Variants in ZNF883 observed in about 807,000 individuals in gnomAD.
ZNF883 encodes zinc finger protein 883.
chr9:112,990,377 G>A (rs1193308942), intron 1 of ZNF883, among the ~76,000 whole-genome samples: 2 of 152,056 alleles, frequency 1.3e-5, no homozygotes, highest in African/African-American at 4.8e-5. Flanking sequence ...ATAATCATGT[G>A]GTTTTTGTCT....
exon 1 of ZNF883, chr9:112,998,243 A>G: frequency 6.3e-7 from 1 of 1,594,000 alleles, no homozygotes; most frequent in Non-Finnish European, 8.5e-7. Context: ...GGTCATATAA[A>G]TTTTCTCAGA....
intron 2 of ZNF883, among the ~76,000 whole-genome samples, chr9:113,010,060 T>G (rs1019865576): frequency 6.6e-6 from 1 of 152,222 alleles, no homozygotes; most frequent in Non-Finnish European, 1.5e-5. Context: ...ATTGTCTGTG[T>G]GCCCATCCAA....
At chr9:113,001,127 T>TCTTGTC (rs1198362363), upstream of ZNF883, among the ~76,000 whole-genome samples, 1 of 152,044 alleles carries the variant, frequency 6.6e-6, no homozygotes, top group Non-Finnish European at 1.5e-5. Context: ...TCAAAATAAT[T>TCTTGTC]TTAGCAGAAG....
chr9:112,993,369 T>G (rs184439288), downstream of ZNF883, among the ~76,000 whole-genome samples: 162 of 152,326 alleles, frequency 1.1e-3, no homozygotes, highest in Non-Finnish European at 1.9e-3. Flanking sequence ...CCTCCCATAC[T>G]TGGAGGTATC....
At chr9:112,992,122 T>A (rs1462341105), downstream of ZNF883, among the ~76,000 whole-genome samples, 1 of 152,256 alleles carries the variant, frequency 6.6e-6, no homozygotes, top group East Asian at 1.9e-4. Flanking sequence ...GATCCCGTCA[T>A]CATTGTGCTA....
chr9:112,996,668 G>A (rs1363889719), downstream of ZNF883, among the ~76,000 whole-genome samples: 1 of 149,962 alleles, frequency 6.7e-6, no homozygotes, highest in African/African-American at 2.5e-5. Flanking sequence ...GCGGGCGCCT[G>A]TAGTCCCAGC....
chr9:112,994,898 G>C (rs904584005), downstream of ZNF883, among the ~76,000 whole-genome samples: 1 of 151,554 alleles, frequency 6.6e-6, no homozygotes, highest in Non-Finnish European at 1.5e-5. Flanking sequence ...GGGATCTTTA[G>C]CATAATATTG....
At chr9:112,997,707 G>A (rs181414587) in exon 1 of ZNF883, 46 of 1,613,338 alleles carry the variant, frequency 2.9e-5, no homozygotes, top group Non-Finnish European at 3.6e-5. Context: ...TTCCGACATT[G>A]CTTACACTGG....
chr9:112,997,003 A>C, downstream of ZNF883: 1 of 938,068 alleles, frequency 1.1e-6, no homozygotes, highest in Non-Finnish European at 1.5e-6. Context: ...TAGCATATTA[A>C]GTAAATGAGT....
intron 2 of ZNF883, among the ~76,000 whole-genome samples, chr9:113,007,367 G>A (rs530300847): frequency 2.0e-5 from 3 of 152,342 alleles, no homozygotes; most frequent in Non-Finnish European, 2.9e-5. Context: ...GAATCTGTGA[G>A]GTTTCTTGGT....
Position 113,006,536 on chromosome 9 carries a change from T to C in ZNF883, n.166-4463A>G, listed in dbSNP as rs148708358. 8.7e-3 allele frequency among the ~76,000 whole-genome samples: 1,328 copies of C among 152,266 alleles called. 11 individuals carry two copies. Among genetic ancestry groups the C allele is most frequent in the African/African-American group, 0.018 (741 of 41,550 alleles). Reference sequence around the variant, plus strand: ...TTCCTGCACAAAGCCAAGACCCCACTTGGCCTCCCGGGCTAAGCCTCAGTT... The same window carrying C: ...TTCCTGCACAAAGCCAAGACCCCACCTGGCCTCCCGGGCTAAGCCTCAGTT... On this transcript the variant is annotated intron_variant and non_coding_transcript_variant, in intron 2 of 4. Transcript: ENST00000638622.
At chr9:113,010,584 G>T (rs766960426) in intron 2 of ZNF883, among the ~76,000 whole-genome samples, 10 of 152,152 alleles carry the variant, frequency 6.6e-5, no homozygotes, top group Non-Finnish European at 1.3e-4. Flanking sequence ...TGAAAAGTAC[G>T]TGAGGTGATG....
chr9:112,989,738 C>A (rs1367982656), intron 1 of ZNF883, among the ~76,000 whole-genome samples: 1 of 152,190 alleles, frequency 6.6e-6, no homozygotes. Context: ...GATATTGATT[C>A]TTCCCATCCA....
chr9:112,996,708 G>A (rs1048077698), downstream of ZNF883, among the ~76,000 whole-genome samples: 9 of 137,336 alleles, frequency 6.6e-5, no homozygotes, highest in Admixed American at 2.4e-4. Flanking sequence ...GGAGAATGGC[G>A]TGAACCTGGG....
intron 1 of ZNF883, among the ~76,000 whole-genome samples, chr9:113,011,779 TGGGGTGGTTGC>T (rs1272360561): frequency 1.3e-5 from 2 of 152,176 alleles, no homozygotes; most frequent in African/African-American, 4.8e-5. Flanking sequence ...CACCAAGGTC[TGGGGTGGTTGC>T]CCCTCCCCAG....
chr9:112,989,258 T>TG (rs768233087), intron 1 of ZNF883, among the ~76,000 whole-genome samples: 16 of 152,288 alleles, frequency 1.1e-4, no homozygotes, highest in Admixed American at 4.6e-4. Flanking sequence ...TTTATAGTTT[T>TG]GGGTTTTAAA....
At chr9:112,990,260 T>C (rs1325766933) in intron 1 of ZNF883, among the ~76,000 whole-genome samples, 1 of 152,054 alleles carries the variant, frequency 6.6e-6, no homozygotes, top group Non-Finnish European at 1.5e-5. Context: ...GTTTGTCATG[T>C]GGCTCTTACT....
At chr9:112,997,106 C>T (rs775538747), downstream of ZNF883, 9 of 1,567,766 alleles carry the variant, frequency 5.7e-6, no homozygotes, top group East Asian at 1.8e-4. Context: ...TGACTGCAGG[C>T]TTTCCCACAC....
At chr9:112,992,492 T>C (rs1475287911), downstream of ZNF883, among the ~76,000 whole-genome samples, 6 of 152,220 alleles carry the variant, frequency 3.9e-5, no homozygotes, top group Non-Finnish European at 7.3e-5. Flanking sequence ...CTGGCCTTTC[T>C]TTCTGGCTGA....
Sources: allele counts gnomAD v4.1 joint callset (sites outside exome capture counted in the v4.1 genomes callset), GRCh38; gene constraint gnomAD v4.1.1; transcripts MANE v1.5; gene names NCBI Gene and HGNC (gene_info 2026-07-23, HGNC 2026-07-21).